The following DNAH8 variants were observed in gnomAD, a reference collection of about 807,000 sequenced individuals.
The protein encoded by DNAH8 is axonemal beta dynein heavy chain 8.
In DNAH8, 382 loss-of-function variants were observed where a neutral mutation model predicts 562.1. That is an observed-to-expected ratio of 0.68 (90% CI 0.63 to 0.74). DNAH8 has a LOEUF of 0.74. DNAH8 is among the 30% of genes least tolerant of loss of function. DNAH8 has a pLI of 0.00. For synonymous variants in DNAH8, 1,881 were observed against 1,919.4 expected (o/e 0.98, Z 0.52); for missense variants, 5,203 against 5,620.4 (o/e 0.93, Z 2.37).
At chr6:38,918,187 C>T (rs1046248346) in intron 70 of DNAH8, 47 bp downstream of exon 70, 2 of 1,377,310 alleles carry the variant, frequency 1.5e-6, no homozygotes, top group African/African-American at 1.4e-5. Flanking sequence ...TTCATAAAAT[C>T]AGTCATCAGT....
At chr6:38,719,393 C>T (rs1762578982) in intron 1 of DNAH8, among the ~76,000 whole-genome samples, 1 of 152,078 alleles carries the variant, frequency 6.6e-6, no homozygotes, top group Non-Finnish European at 1.5e-5. Context: ...CCTTCCCTTC[C>T]CCTTCTTGTA....
intron 39 of DNAH8, among the ~76,000 whole-genome samples, chr6:38,852,462 A>C (rs1161692630): frequency 6.6e-6 from 1 of 151,900 alleles, no homozygotes; most frequent in Non-Finnish European, 1.5e-5. Context: ...TCTAATCTGC[A>C]TAGCATGGGA....
At chr6:38,856,082 G>A (rs1393626748) in intron 41 of DNAH8, among the ~76,000 whole-genome samples, 2 of 152,136 alleles carry the variant, frequency 1.3e-5, no homozygotes, top group South Asian at 4.2e-4. Flanking sequence ...ATAATTTTGT[G>A]TCCTTTAGCA....
intron 88 of DNAH8, among the ~76,000 whole-genome samples, chr6:38,990,832 T>C (rs1764736075): frequency 6.6e-6 from 1 of 152,180 alleles, no homozygotes; most frequent in African/African-American, 2.4e-5. Context: ...TCACCCCTTC[T>C]CTCTTTAGGA....
chr6:39,016,477 G>C (rs1418067511), intron 91 of DNAH8, among the ~76,000 whole-genome samples: 1 of 151,816 alleles, frequency 6.6e-6, no homozygotes, highest in Non-Finnish European at 1.5e-5. Flanking sequence ...CGTGAACCTA[G>C]GAGGCGGAGC....
intron 1 of DNAH8, among the ~76,000 whole-genome samples, chr6:38,721,306 T>C (rs1266629180): frequency 6.6e-6 from 1 of 151,118 alleles, no homozygotes; most frequent in African/African-American, 2.4e-5. Context: ...TAATGAGACC[T>C]TGTCTCTATG....
intron 7 of DNAH8, among the ~76,000 whole-genome samples, chr6:38,741,185 G>A (rs997558759): frequency 6.6e-5 from 10 of 152,052 alleles, no homozygotes; most frequent in Non-Finnish European, 8.8e-5. Context: ...CAGGAGGATC[G>A]CTTCAGCCCA....
chr6:38,800,387 A>G (rs67317112), intron 21 of DNAH8, among the ~76,000 whole-genome samples: 50,995 of 151,860 alleles, frequency 0.34, 9,193 homozygotes, highest in Admixed American at 0.41. Context: ...CAATTGCTCT[A>G]CATCCATGCC....
At position 39,030,656 on chromosome 6, in the gene DNAH8, G is replaced by A. The variant is rs1271380649; in HGVS notation, c.*264G>A. 5.5e-6 allele frequency: 2 copies of A among 366,098 alleles called. No individual in the cohort carries two copies. Among genetic ancestry groups the A allele is most frequent in the Non-Finnish European group, 9.9e-6 (2 of 202,356 alleles). 22.7% of individuals were successfully genotyped at this position (366,098 alleles called of 1,614,324 possible). A position where few individuals can be genotyped will look rare whatever the true frequency, so the allele number is the denominator to read the frequency against. On this transcript the variant is annotated 3_prime_UTR_variant, in exon 93 of 93. Transcript: ENST00000327475. ...TTTAAAGATAAAACCCTGTTTGGAT[G>A]TTAGAACACTTTGGAAGCTCTGAAT...
intron 17 of DNAH8, among the ~76,000 whole-genome samples, chr6:38,785,261 G>A (rs1266134655): frequency 6.6e-6 from 1 of 152,134 alleles, no homozygotes; most frequent in Non-Finnish European, 1.5e-5. Context: ...CCACATAGGA[G>A]CTTCTAGTAA....
intron 49 of DNAH8, 106 bp downstream of exon 49, chr6:38,870,668 T>C (rs1162802830): frequency 3.6e-6 from 4 of 1,123,766 alleles, no homozygotes; most frequent in African/African-American, 3.2e-5. Context: ...AAATGTTAAA[T>C]GAAAACATCA....
chr6:38,829,875 A>G (rs748624191), intron 30 of DNAH8, among the ~76,000 whole-genome samples: 5 of 152,198 alleles, frequency 3.3e-5, no homozygotes, highest in Admixed American at 1.3e-4. Flanking sequence ...AAATCTTGCA[A>G]AACTGTTACT....
chr6:38,921,432 G>A lies in DNAH8; in HGVS notation c.10588G>A (p.Ala3530Thr). ...TAATGCTGAGTTAGGGAAGGCACAA[G>A]CCCTGCTGGATGAGAAGCAAGCTGA... ...VANAELGKAQ[A>T]LLDEKQAELD... The change falls in exon 71 of 93, where the codon GCC becomes ACC. Residue 3530 changes from alanine (A) to threonine (T), a missense_variant. Physicochemically the swap from Ala to Thr is moderately conservative, Grantham distance 58 (BLOSUM62 0). This residue lies in a region of DNAH8 where 1,399 missense variants were observed against 1,518.4 expected (regional missense o/e 0.92). Transcript: ENST00000327475. The A allele has an allele frequency of 3.1e-6, 5 of 1,613,832 alleles. No individual in the cohort carries two copies. The highest frequency in any genetic ancestry group is 3.4e-6 in the Non-Finnish European group (4 of 1,179,872).
At chr6:38,765,927 T>C (rs954911832) in intron 11 of DNAH8, among the ~76,000 whole-genome samples, 2 of 152,136 alleles carry the variant, frequency 1.3e-5, no homozygotes, top group South Asian at 4.1e-4. Context: ...ATATTAAAAA[T>C]AGAACTACCA....
At chr6:38,718,511 T>C (rs2127559464) in intron 1 of DNAH8, among the ~76,000 whole-genome samples, 1 of 152,360 alleles carries the variant, frequency 6.6e-6, no homozygotes, top group African/African-American at 2.4e-5. Context: ...GGGAAAGTTA[T>C]ATGATTTCCT....
At chr6:39,016,550 CA>C (rs34460245) in intron 91 of DNAH8, among the ~76,000 whole-genome samples, 16,581 of 95,100 alleles carry the variant, frequency 0.17, 1,101 homozygotes, top group East Asian at 0.41. Context: ...GACTCTGTCT[CA>C]AAAAAAAAAA....
At chr6:38,874,245 C>T (rs1187365564) in intron 52 of DNAH8, among the ~76,000 whole-genome samples, 2 of 22,760 alleles carry the variant, frequency 8.8e-5, no homozygotes, top group South Asian at 1.9e-3. Context: ...CCCTCCCTCC[C>T]CTTCCCTTCC....
At chr6:38,867,159 A>G (rs1008765703) in intron 47 of DNAH8, among the ~76,000 whole-genome samples, 5 of 152,064 alleles carry the variant, frequency 3.3e-5, no homozygotes, top group Non-Finnish European at 7.4e-5. Flanking sequence ...CAATAACAAA[A>G]CTGGAAATGG....
In DNAH8 at chr6:38,739,971, A is replaced by G. The variant is rs139775617; in HGVS notation, c.1117-1740A>G. On this transcript the variant is annotated intron_variant, in intron 7 of 92. Transcript: ENST00000327475. ...TTGTCTCGATTTAAGATTCTCTGTT[A>G]AATTGTTTAATAGTCCATTTTTTTC... Among the ~76,000 whole-genome samples, 581 of 152,298 alleles carry G rather than the reference A, an allele frequency of 3.8e-3. 4 individuals carry two copies. Among genetic ancestry groups the G allele is most frequent in the African/African-American group, 0.013 (558 of 41,558 alleles).
Sources: allele counts gnomAD v4.1 joint callset (sites outside exome capture counted in the v4.1 genomes callset), GRCh38; gene constraint gnomAD v4.1.1; regional missense constraint gnomAD v4.1.1; transcripts MANE v1.5; gene names NCBI Gene and HGNC (gene_info 2026-07-23, HGNC 2026-07-21).